DNAH14: variants seen among roughly 807,000 people sequenced by gnomAD.
DNAH14 encodes axonemal beta dynein heavy chain 14.
Under a neutral mutation model 520.9 loss-of-function variants are expected in DNAH14, and 478 were observed. The observed-to-expected ratio is 0.92, with a 90% CI of 0.85 to 0.99. The LOEUF (loss-of-function observed/expected upper bound fraction) is 0.99. Among genes scored for constraint, DNAH14 ranks in the 50% least tolerant of loss-of-function variants. DNAH14 has a pLI of 0.00. For synonymous variants in DNAH14, 1,581 were observed against 1,757.2 expected, an observed-to-expected ratio of 0.90 and a Z score of 2.51; for missense variants, 4,831 against 5,234.5, an observed-to-expected ratio of 0.92 and a Z score of 2.38.
chr1:224,978,255 A>T (rs2125678788), intron 8 of DNAH14, among the ~76,000 whole-genome samples: 1 of 152,376 alleles, frequency 6.6e-6, no homozygotes, highest in Non-Finnish European at 1.5e-5. Context: ...GATAGGAATC[A>T]ATCTAAAAGT....
At chr1:225,029,775 A>G (rs937573832) in intron 11 of DNAH14, among the ~76,000 whole-genome samples, 3 of 151,944 alleles carry the variant, frequency 2.0e-5, no homozygotes, top group Admixed American at 6.6e-5. Context: ...CAAGAAGCAT[A>G]TTTGAAAAAG....
At position 225,301,131 on chromosome 1, in the gene DNAH14, T is replaced by A. The variant is rs575958062; in HGVS notation, c.8631+101T>A. 6.2e-5 allele frequency: 80 copies of A among 1,296,672 alleles called. No individual in the cohort carries two copies. In the African/African-American group the frequency reaches 1.1e-3, roughly 17 times the overall value. The allele number at this position is 1,296,672 out of a possible 1,614,324, so 80.3% of individuals were successfully genotyped here. ...TCAAGTTGGATATAATTTCTTTAGA[T>A]CTTTATATGAGTTTTTAAGGTAAAA... On this transcript the variant is annotated intron_variant, in intron 56 of 85. Coordinates refer to ENST00000682510, the MANE Select transcript of DNAH14 (RefSeq NM_001367479.1).
intron 23 of DNAH14, among the ~76,000 whole-genome samples, chr1:225,112,968 C>G (rs2076593054): frequency 6.6e-6 from 1 of 152,066 alleles, no homozygotes; most frequent in African/African-American, 2.4e-5. Context: ...ATCTCTGTCA[C>G]TTTGGGGTTG....
At chr1:224,979,397 C>T (rs1463163027) in intron 8 of DNAH14, among the ~76,000 whole-genome samples, 1 of 152,164 alleles carries the variant, frequency 6.6e-6, no homozygotes, top group African/African-American at 2.4e-5. Context: ...AATCAAAACC[C>T]AGCCGAACTC....
chr1:224,945,138 T>C (rs1395046432), intron 1 of DNAH14, among the ~76,000 whole-genome samples: 3 of 152,206 alleles, frequency 2.0e-5, no homozygotes, highest in East Asian at 1.9e-4. Flanking sequence ...ACCAATCAGA[T>C]GTAGATTTGG....
rs1403394029 is a variant in DNAH14, at chr1:225,399,191, G to A, written c.13776G>A (p.Val4592=). The A allele has an allele frequency of 6.4e-7, 1 of 1,551,700 alleles. No homozygotes were observed. Among genetic ancestry groups the A allele is most frequent in the South Asian group, 1.2e-5 (1 of 84,046 alleles). ...TGLPTNFLTS[V]YLSTKKPPSH... is the part of the protein sequence containing the mutation. Reference sequence around the variant, plus strand: ...TACCAACAAACTTTTTAACATCAGTGTATTTATCAACGAAGAAACCTCCTA... The same window carrying A: ...TACCAACAAACTTTTTAACATCAGTATATTTATCAACGAAGAAACCTCCTA... The change falls in exon 86 of 86, where the codon GTG becomes GTA. Residue 4592 remains valine (V), a synonymous_variant. Transcript: ENST00000682510.
chr1:225,380,752 C>A (rs1575118532), intron 80 of DNAH14, among the ~76,000 whole-genome samples: 1 of 152,176 alleles, frequency 6.6e-6, no homozygotes, highest in Admixed American at 6.5e-5. Flanking sequence ...AGCCTGATTG[C>A]CCAGAGATGA....
At chr1:225,323,828 T>G (rs1161803264) in intron 62 of DNAH14, among the ~76,000 whole-genome samples, 2 of 151,818 alleles carry the variant, frequency 1.3e-5, no homozygotes, top group African/African-American at 4.8e-5. Context: ...TAATTTTTGT[T>G]TTTTTTTAGA....
chr1:225,104,487 A>G (rs2075831615), intron 23 of DNAH14, among the ~76,000 whole-genome samples: 1 of 152,202 alleles, frequency 6.6e-6, no homozygotes, highest in African/African-American at 2.4e-5. Context: ...TATCTCTGGT[A>G]GAATTCGGCT....
In DNAH14 at chr1:225,050,328, G is replaced by C; in HGVS notation, c.2031G>C (p.Trp677Cys). 1.9e-6 allele frequency: 3 copies of C among 1,547,506 alleles called. No individual in the cohort carries two copies. The highest frequency in any genetic ancestry group is 1.4e-5 in the African/African-American group (1 of 72,992). ...TACATTATAAAGAGCAGACCAGATG[G>C]CCAGATTGTCACATCCTTTTTGAAA... ...SIIHYKEQTR[W>C]PDCHILFETD... Residue 677 changes from tryptophan to cysteine, a missense_variant, in exon 16 of 86, where the codon TGG (tryptophan) becomes TGC (cysteine). Transcript: ENST00000682510.
intron 31 of DNAH14, among the ~76,000 whole-genome samples, chr1:225,148,932 G>C (rs2080218976): frequency 6.6e-6 from 1 of 152,088 alleles, no homozygotes; most frequent in Non-Finnish European, 1.5e-5. Context: ...TTGCTTTGCA[G>C]AAACTCTTTA....
chr1:225,206,230 T>C (rs1573980621), intron 40 of DNAH14, 51 bp downstream of exon 40: 1 of 1,417,686 alleles, frequency 7.1e-7, no homozygotes, highest in East Asian at 2.5e-5. Flanking sequence ...TTGTTTATGA[T>C]AGTAACTATT....
chr1:225,327,285 G>A, intron 64 of DNAH14, among the ~76,000 whole-genome samples: 1 of 151,888 alleles, frequency 6.6e-6, no homozygotes. Context: ...AGCCTCCCGA[G>A]TAGCTGGGAC....
chr1:225,202,768 C>T (rs960526073), intron 38 of DNAH14, among the ~76,000 whole-genome samples: 18 of 152,328 alleles, frequency 1.2e-4, no homozygotes, highest in African/African-American at 4.3e-4. Flanking sequence ...CTCCCTGTGG[C>T]CTTTTCTCAA....
intron 17 of DNAH14, among the ~76,000 whole-genome samples, chr1:225,077,598 T>A (rs965564503): frequency 3.3e-5 from 5 of 152,220 alleles, no homozygotes; most frequent in African/African-American, 1.2e-4. Flanking sequence ...ATATGCCAGG[T>A]ACATTGTAAG....
intron 60 of DNAH14, among the ~76,000 whole-genome samples, chr1:225,311,915 C>T (rs2094374731): frequency 6.6e-6 from 1 of 151,978 alleles, no homozygotes; most frequent in Non-Finnish European, 1.5e-5. Context: ...TTAGGATTGT[C>T]TTGGATATAC....
At chr1:225,219,421 A>G (rs1436765768) in intron 41 of DNAH14, among the ~76,000 whole-genome samples, 1 of 152,042 alleles carries the variant, frequency 6.6e-6, no homozygotes, top group African/African-American at 2.4e-5. Flanking sequence ...CCAGAATAAT[A>G]TAGAAGAAAA....
intron 17 of DNAH14, among the ~76,000 whole-genome samples, chr1:225,058,339 T>C (rs943896802): frequency 6.6e-6 from 1 of 152,244 alleles, no homozygotes; most frequent in Non-Finnish European, 1.5e-5. Flanking sequence ...TAGTATTCTC[T>C]GATGGTAGTT....
chr1:225,166,083 C>G (rs1430256579), intron 35 of DNAH14, among the ~76,000 whole-genome samples: 1 of 151,944 alleles, frequency 6.6e-6, no homozygotes, highest in Admixed American at 6.6e-5. Context: ...TGCTTTCTCT[C>G]CCTTTTATAA....
Sources: allele counts gnomAD v4.1 joint callset (sites outside exome capture counted in the v4.1 genomes callset), GRCh38; gene constraint gnomAD v4.1.1; transcripts MANE v1.5; gene names NCBI Gene and HGNC (gene_info 2026-07-23, HGNC 2026-07-21).